The following ALS2 variants were observed in gnomAD, a reference collection of about 807,000 sequenced individuals.
The protein encoded by ALS2 is alsin.
ALS2 carries 117 observed loss-of-function variants against 203.4 expected under a neutral mutation model. The ratio of observed to expected loss-of-function variants is 0.58; its 90% CI spans 0.50 to 0.67. The LOEUF (loss-of-function observed/expected upper bound fraction) is 0.67. Ranked by LOEUF, ALS2 falls within the 30% of genes least tolerant of loss-of-function variation. The pLI is 0.00. For synonymous variants in ALS2, 718 were observed against 725.9 expected (o/e 0.99, Z 0.17); for missense variants, 1,715 against 1,989.4 (o/e 0.86, Z 2.62).
Position 201,705,189 on chromosome 2 carries a change from G to A in ALS2, c.4638C>T (p.Thr1546=), listed in dbSNP as rs1689627240. Residue 1546 remains threonine, a synonymous_variant, in exon 31 of 34, where the codon ACC becomes ACT. Transcript: ENST00000264276. ...ILGESKKVLP[T]TKDACFASAV... is the part of the protein sequence containing the mutation. ...CTGAGGCAAAACAAGCATCTTTCGT[G>A]GTTGGCAAAACCTGCAAAAAAGAGA... The A allele has an allele frequency of 1.2e-6, 2 of 1,613,930 alleles. No homozygotes were observed. Among genetic ancestry groups the A allele is most frequent in the South Asian group, 2.2e-5 (2 of 91,074 alleles).
intron 1 of ALS2, among the ~76,000 whole-genome samples, chr2:201,775,668 G>A (rs897258553): frequency 1.3e-5 from 2 of 152,104 alleles, no homozygotes; most frequent in African/African-American, 4.8e-5. Flanking sequence ...CCACCAAGAA[G>A]GCCACTTGGA....
chr2:201,778,874 T>C (rs747772213), intron 1 of ALS2, among the ~76,000 whole-genome samples: 40 of 152,176 alleles, frequency 2.6e-4, no homozygotes, highest in African/African-American at 7.5e-4. Context: ...CCTTCCTTTA[T>C]ACAAGCTTAA....
At chr2:201,752,975 C>T (rs41308824) in intron 7 of ALS2, among the ~76,000 whole-genome samples, 171 bp downstream of exon 7, 1 of 152,342 alleles carries the variant, frequency 6.6e-6, no homozygotes, top group East Asian at 1.9e-4. Flanking sequence ...TCTTACTCCA[C>T]TTCCCTCGTC....
chr2:201,774,745 T>C (rs1694579909), intron 1 of ALS2, among the ~76,000 whole-genome samples: 1 of 152,210 alleles, frequency 6.6e-6, no homozygotes, highest in Non-Finnish European at 1.5e-5. Flanking sequence ...AAACCACATG[T>C]ATTTTTTTTC....
intron 20 of ALS2, 75 bp downstream of exon 20, chr2:201,725,281 T>C (rs565426154): frequency 2.5e-6 from 3 of 1,218,632 alleles, no homozygotes; most frequent in Non-Finnish European, 3.6e-6. Context: ...CTTGGAAATT[T>C]TGGCTATGCA....
intron 25 of ALS2, among the ~76,000 whole-genome samples, chr2:201,715,287 A>AT (rs1034054328): frequency 2.6e-5 from 4 of 151,940 alleles, no homozygotes; most frequent in East Asian, 3.9e-4. Flanking sequence ...AACCAGAGGG[A>AT]TTTTTTCTGT....
chr2:201,761,127 T>C lies in ALS2; in HGVS notation c.867A>G (p.Val289=), dbSNP rs1459352554. The C allele has an allele frequency of 6.2e-7, 1 of 1,614,228 alleles. No homozygotes were observed. Among genetic ancestry groups the C allele is most frequent in the Non-Finnish European group, 8.5e-7 (1 of 1,180,038 alleles). ...CATTTGCTACAAGAGTGTTCTCAAA[T>C]ACTTCTTCCTGCCTGTCAAGGGTTT... is the stretch of plus-strand genomic sequence containing the variant. ...STETLDRQEE[V]FENTLVANDQ... The change falls in exon 4 of 34, where the codon GTA becomes GTG. Residue 289 remains valine, a synonymous_variant. Transcript: ENST00000264276.
intron 12 of ALS2, 63 bp from the exon 13 acceptor site, chr2:201,733,501 T>C (rs1691699993): frequency 7.5e-6 from 11 of 1,467,142 alleles, no homozygotes; most frequent in South Asian, 1.2e-5. Context: ...GTACATTAAA[T>C]AAAAAATTTC....
intron 5 of ALS2, among the ~76,000 whole-genome samples, chr2:201,756,402 G>T (rs1440915508): frequency 6.6e-6 from 1 of 152,022 alleles, no homozygotes; most frequent in Non-Finnish European, 1.5e-5. Flanking sequence ...TGGCACAAGA[G>T]TGTTCAGTAA....
At chr2:201,768,730 G>A in intron 2 of ALS2, 136 bp downstream of exon 2, 2 of 786,202 alleles carry the variant, frequency 2.5e-6, no homozygotes, top group Non-Finnish European at 4.1e-6. Flanking sequence ...CTTTACCAAC[G>A]AACTAACTAC....
At chr2:201,712,737 G>C (rs1690103581) in intron 25 of ALS2, among the ~76,000 whole-genome samples, 1 of 137,974 alleles carries the variant, frequency 7.2e-6, no homozygotes, top group Non-Finnish European at 1.5e-5. Flanking sequence ...GGCAGATGGA[G>C]AAAAGCAGGA....
intron 4 of ALS2, 25 bp from the exon 5 acceptor site, chr2:201,757,784 T>A (rs368959375): frequency 1.3e-5 from 19 of 1,507,834 alleles, no homozygotes; most frequent in Non-Finnish European, 7.3e-6. Context: ...CATAAAAAAT[T>A]ATATAAAAAT....
At chr2:201,728,370 T>C (rs902003209) in intron 15 of ALS2, 142 bp downstream of exon 15, 4 of 1,202,582 alleles carry the variant, frequency 3.3e-6, no homozygotes, top group Non-Finnish European at 4.9e-6. Flanking sequence ...CTTGCTATAG[T>C]TTGCTGAGAA....
intron 1 of ALS2, among the ~76,000 whole-genome samples, chr2:201,772,816 G>A (rs1189553824): frequency 6.8e-6 from 1 of 146,260 alleles, no homozygotes; most frequent in African/African-American, 2.5e-5. Flanking sequence ...GAGTTGCATT[G>A]CTTCCAGTGG....
intron 4 of ALS2, chr2:201,760,664 C>A: frequency 6.6e-6 from 9 of 1,354,862 alleles, no homozygotes; most frequent in Non-Finnish European, 7.6e-6. Context: ...CAACATGACA[C>A]CTTTCAATAT....
intron 9 of ALS2, among the ~76,000 whole-genome samples, chr2:201,744,787 C>G (rs568629747): frequency 3.5e-4 from 54 of 152,260 alleles, no homozygotes; most frequent in African/African-American, 1.3e-3. Flanking sequence ...AACAGACCCC[C>G]TGGATATATA....
intron 2 of ALS2, among the ~76,000 whole-genome samples, chr2:201,767,811 T>C (rs918406815): frequency 1.9e-4 from 27 of 143,666 alleles, no homozygotes; most frequent in Non-Finnish European, 3.0e-5. Context: ...GAGGTTGCAG[T>C]GAGCCAAGAT....
intron 11 of ALS2, 107 bp from the exon 12 acceptor site, chr2:201,738,842 A>G (rs1188823799): frequency 3.7e-5 from 37 of 1,009,098 alleles, no homozygotes; most frequent in Non-Finnish European, 4.6e-6. Flanking sequence ...TCACCAATGA[A>G]TTTCAGAAGT....
rs1173868866 is a variant in ALS2, at chr2:201,757,721, C to T, written c.1152G>A (p.Pro384=). Residue 384 remains proline, a synonymous_variant, in exon 5 of 34, where the codon CCG becomes CCA. Coordinates refer to ENST00000264276, the MANE Select transcript of ALS2 (RefSeq NM_020919.4). ...TTAGGGCTGAGGTGCTTGTGGTAGG[C>T]GGGCTGTGGAGATTAGGAATTGCTT... is the stretch of plus-strand genomic sequence containing the variant. ...LEEAIPNLHS[P]PTTSTSALNS... is the part of the protein sequence containing the mutation. 5.6e-6 allele frequency: 9 copies of T among 1,612,562 alleles called. No homozygotes were observed. The highest frequency in any genetic ancestry group is 2.2e-5 in the South Asian group (2 of 91,068).
Sources: allele counts gnomAD v4.1 joint callset (sites outside exome capture counted in the v4.1 genomes callset), GRCh38; gene constraint gnomAD v4.1.1; transcripts MANE v1.5; gene names NCBI Gene and HGNC (gene_info 2026-07-23, HGNC 2026-07-21).